The following FANCC variants were observed in gnomAD, a reference collection of about 807,000 sequenced individuals.
FANCC encodes the protein FA complementation group C.
Under a neutral mutation model 71.3 loss-of-function variants are expected in FANCC, and 55 were observed. The ratio of observed to expected loss-of-function variants is 0.77; its 90% CI spans 0.62 to 0.97. FANCC has a LOEUF of 0.97. FANCC is among the 50% of genes least tolerant of loss of function. The pLI is 0.00. For missense variants in FANCC, 678 were observed against 670.9 expected, an observed-to-expected ratio of 1.01 and a Z score of -0.12; for synonymous variants, 275 against 244.9, an observed-to-expected ratio of 1.12 and a Z score of -1.15.
intron 12 of FANCC, chr9:95,114,151 A>G (rs1475799779): frequency 5.1e-6 from 1 of 194,572 alleles, no homozygotes. Context: ...CATTTTAGAG[A>G]GATTTATTAG....
intron 1 of FANCC, among the ~76,000 whole-genome samples, chr9:95,272,582 A>G (rs934746336): frequency 1.3e-5 from 2 of 152,110 alleles, no homozygotes; most frequent in African/African-American, 4.8e-5. Flanking sequence ...CTGTAATCCC[A>G]GCTACTCGGG....
intron 1 of FANCC, among the ~76,000 whole-genome samples, chr9:95,309,400 C>T (rs1283174508): frequency 6.6e-6 from 1 of 152,002 alleles, no homozygotes; most frequent in East Asian, 1.9e-4. Flanking sequence ...AGCAGCAATT[C>T]GATATTATTT....
At chr9:95,170,768 TC>T (rs570559013) in intron 6 of FANCC, among the ~76,000 whole-genome samples, 252 of 151,468 alleles carry the variant, frequency 1.7e-3, no homozygotes, top group Non-Finnish European at 2.8e-3. Flanking sequence ...GAGTGAGCAA[TC>T]CCAGGGTAAA....
At chr9:95,313,411 A>G (rs1835532574) in intron 1 of FANCC, among the ~76,000 whole-genome samples, 2 of 152,234 alleles carry the variant, frequency 1.3e-5, no homozygotes, top group South Asian at 4.1e-4. Flanking sequence ...AGTCACGGCC[A>G]GGTGCGCGCA....
intron 6 of FANCC, among the ~76,000 whole-genome samples, chr9:95,158,000 G>A (rs886453800): frequency 6.6e-6 from 1 of 152,230 alleles, no homozygotes; most frequent in Middle Eastern, 3.4e-3. Flanking sequence ...TTTCAGATGA[G>A]AGAAAAGTTG....
intron 4 of FANCC, among the ~76,000 whole-genome samples, chr9:95,209,214 G>A (rs566839320): frequency 1.3e-5 from 2 of 152,336 alleles, no homozygotes; most frequent in East Asian, 3.9e-4. Flanking sequence ...CTGGCTGCTA[G>A]GGATTAGGGA....
intron 1 of FANCC, among the ~76,000 whole-genome samples, chr9:95,257,301 C>A (rs1358470091): frequency 6.6e-6 from 1 of 152,220 alleles, no homozygotes; most frequent in African/African-American, 2.4e-5. Flanking sequence ...CACTCCTCAG[C>A]AAATGCAAAA....
At chr9:95,248,609 ATATC>A (rs1363456017) in intron 2 of FANCC, among the ~76,000 whole-genome samples, 6 of 152,150 alleles carry the variant, frequency 3.9e-5, no homozygotes, top group Non-Finnish European at 7.4e-5. Context: ...AATCATAAAA[ATATC>A]TATCATAATA....
At chr9:95,266,726 A>G (rs1351129267) in intron 1 of FANCC, among the ~76,000 whole-genome samples, 1 of 152,136 alleles carries the variant, frequency 6.6e-6, no homozygotes, top group East Asian at 1.9e-4. Flanking sequence ...AATAAATCCC[A>G]CCTGCCTAAT....
intron 6 of FANCC, among the ~76,000 whole-genome samples, chr9:95,151,825 G>C (rs1174393252): frequency 6.6e-6 from 1 of 151,934 alleles, no homozygotes; most frequent in South Asian, 2.1e-4. Flanking sequence ...TACTCGGGGG[G>C]GCGGAGGTGG....
intron 1 of FANCC, among the ~76,000 whole-genome samples, chr9:95,311,911 G>C: frequency 6.6e-6 from 1 of 152,132 alleles, no homozygotes; most frequent in East Asian, 1.9e-4. Context: ...ACAAGTCCCA[G>C]AAATCTGAAA....
At chr9:95,206,049 AAGAAATGTTT>A (rs1828102788) in intron 4 of FANCC, among the ~76,000 whole-genome samples, 1 of 152,240 alleles carries the variant, frequency 6.6e-6, no homozygotes. Flanking sequence ...CAGGAGTATT[AAGAAATGTTT>A]TATTTTGTTG....
chr9:95,163,642 G>A (rs562339730), intron 6 of FANCC, among the ~76,000 whole-genome samples: 322 of 152,300 alleles, frequency 2.1e-3, no homozygotes, highest in African/African-American at 7.2e-3. Flanking sequence ...CTGAGGTCAG[G>A]AGTTCGAGAC....
At position 95,171,140 on chromosome 9, in the gene FANCC, C is replaced by T. The variant is rs761396597; in HGVS notation, c.460G>A (p.Val154Ile). ...DYYPGLLKNM[V>I]LSLASELREN... ...CTGAGTTCAGACGCTAATGATAAAA[C>T]CATCTGTAAAACAAAATCAGTTGCA... The change falls in exon 6 of 15, where the codon GTT becomes ATT. Residue 154 changes from valine to isoleucine, a missense_variant. Coordinates refer to ENST00000289081, the MANE Select transcript of FANCC (RefSeq NM_000136.3). 2 of 1,612,580 alleles carry T rather than the reference C, an allele frequency of 1.2e-6. No individual in the cohort carries two copies. The highest frequency in any genetic ancestry group is 1.3e-5 in the African/African-American group (1 of 74,954).
intron 13 of FANCC, among the ~76,000 whole-genome samples, chr9:95,109,180 G>A (rs963346463): frequency 1.3e-5 from 2 of 152,292 alleles, no homozygotes; most frequent in Middle Eastern, 3.4e-3. Flanking sequence ...CCAAAGTGCT[G>A]AGATTACAGG....
intron 4 of FANCC, among the ~76,000 whole-genome samples, chr9:95,219,230 A>G (rs1039522709): frequency 1.3e-5 from 2 of 152,206 alleles, no homozygotes; most frequent in Non-Finnish European, 2.9e-5. Flanking sequence ...GGCAGAGAAA[A>G]ACAGCAGAAC....
chr9:95,152,938 T>TAA (rs763735456), intron 6 of FANCC, among the ~76,000 whole-genome samples: 12 of 152,014 alleles, frequency 7.9e-5, no homozygotes, highest in Non-Finnish European at 1.3e-4. Context: ...TTGATGAGCT[T>TAA]AAAAAAAATC....
chr9:95,313,167 G>A (rs1835513818), intron 1 of FANCC, among the ~76,000 whole-genome samples: 1 of 152,176 alleles, frequency 6.6e-6, no homozygotes. Flanking sequence ...CTGGGAACAG[G>A]TGCTGGGGCG....
At chr9:95,290,533 A>G (rs1833938851) in intron 1 of FANCC, among the ~76,000 whole-genome samples, 1 of 152,226 alleles carries the variant, frequency 6.6e-6, no homozygotes, top group Admixed American at 6.5e-5. Flanking sequence ...GAAGTGACAC[A>G]GGGAATCACA....
Sources: allele counts gnomAD v4.1 joint callset (sites outside exome capture counted in the v4.1 genomes callset), GRCh38; gene constraint gnomAD v4.1.1; transcripts MANE v1.5; gene names NCBI Gene and HGNC (gene_info 2026-07-23, HGNC 2026-07-21).